The following NUDT22 variants were observed in gnomAD, a reference collection of about 807,000 sequenced individuals.
The protein encoded by NUDT22 is uridine diphosphate glucose pyrophosphatase NUDT22.
A neutral mutation model predicts 28.8 loss-of-function variants in NUDT22; 23 were observed. The ratio of observed to expected loss-of-function variants is 0.80; its 90% CI spans 0.58 to 1.13. NUDT22 has a LOEUF of 1.13. NUDT22 is among the 50% of genes most tolerant of loss of function. NUDT22 has a pLI of 0.00. For synonymous variants in NUDT22, 175 were observed against 173.7 expected (o/e 1.01, Z -0.06); for missense variants, 358 against 387.3 (o/e 0.92, Z 0.64).
chr11:64,229,245 A>T lies in NUDT22; in HGVS notation c.580-2A>T, dbSNP rs376910782. On this transcript the variant is annotated splice_acceptor_variant, in intron 3 of 5. Transcript: ENST00000279206. LOFTEE classifies it high-confidence loss of function. ...CTCCCCCCACCCCACCCTCCACCGC[A>T]GGTGAACCTGCCGCTGCTCACCCTG... The T allele has an allele frequency of 8.2e-5, 129 of 1,566,306 alleles. No individual in the cohort carries two copies. The highest frequency in any genetic ancestry group is 9.8e-5 in the Non-Finnish European group (113 of 1,154,934).
chr11:64,227,501 C>A, intron 2 of NUDT22, 67 bp from the exon 3 acceptor site: 1 of 1,233,934 alleles, frequency 8.1e-7, no homozygotes, highest in Non-Finnish European at 1.2e-6. Flanking sequence ...CAGGTATAGG[C>A]TTGCTGGTCC....
chr11:64,230,265 G>A, downstream of NUDT22: 1 of 621,110 alleles, frequency 1.6e-6, no homozygotes, highest in South Asian at 1.5e-5. Context: ...ACGGTGGCCG[G>A]GCCGAAAACG....
downstream of NUDT22, chr11:64,230,140 G>A: frequency 1.1e-6 from 1 of 919,844 alleles, no homozygotes; most frequent in African/African-American, 1.6e-5. Flanking sequence ...CCCTCTGCAA[G>A]CAGGGGATAA....
In NUDT22 at chr11:64,226,330, C is replaced by G; in HGVS notation, c.-116C>G. 3 of 1,176,238 alleles carry G rather than the reference C, an allele frequency of 2.6e-6. No homozygotes were observed. The highest frequency in any genetic ancestry group is 3.2e-6 in the Non-Finnish European group (3 of 938,792). 72.9% of individuals were successfully genotyped at this position (1,176,238 alleles called of 1,614,324 possible). The stretch of plus-strand genomic sequence containing the variant: ...CCCGCTGGAGGCTGGAGCTTCCGGG[C>G]CCTGGAAAGGGGTCCCCGCGCGCCC... On this transcript the variant is annotated 5_prime_UTR_variant, in exon 1 of 6. Coordinates refer to ENST00000279206, the MANE Select transcript of NUDT22 (RefSeq NM_032344.4).
intron 3 of NUDT22, 24 bp downstream of exon 3, chr11:64,227,690 G>T: frequency 6.3e-7 from 1 of 1,589,998 alleles, no homozygotes; most frequent in Non-Finnish European, 8.6e-7. Flanking sequence ...ACCTGGACAG[G>T]GTGGTAGACA....
chr11:64,229,179 A>G, intron 3 of NUDT22, 68 bp from the exon 4 acceptor site: 1 of 1,120,526 alleles, frequency 8.9e-7, no homozygotes, highest in Non-Finnish European at 1.3e-6. Context: ...TTTTTCATTG[A>G]GACGGGCAGG....
At chr11:64,229,186 C>T in intron 3 of NUDT22, 61 bp from the exon 4 acceptor site, 1 of 1,184,004 alleles carries the variant, frequency 8.4e-7, no homozygotes, top group Non-Finnish European at 1.2e-6. Flanking sequence ...TTGAGACGGG[C>T]AGGGATGTGG....
In NUDT22 at chr11:64,226,670, C is replaced by A. The variant is rs1209783527; in HGVS notation, c.18C>A (p.Thr6=). Residue 6 remains threonine (T), a synonymous_variant, in exon 2 of 6, where the codon ACC becomes ACA. Coordinates refer to ENST00000279206, the MANE Select transcript of NUDT22 (RefSeq NM_032344.4). The part of the protein sequence containing the change: MDPEV[T]LLLQCPGGGL... ...TTCAGACCATGGATCCTGAGGTGAC[C>A]TTGCTGCTGCAGTGCCCTGGCGGGG... The A allele has an allele frequency of 6.2e-7, 1 of 1,601,306 alleles. No homozygotes were observed. The highest frequency in any genetic ancestry group is 1.3e-5 in the African/African-American group (1 of 74,766).
chr11:64,229,284 T>C lies in NUDT22; in HGVS notation c.617T>C (p.Leu206Pro). 1.3e-6 allele frequency: 2 copies of C among 1,598,000 alleles called. No individual in the cohort carries two copies. Among genetic ancestry groups the C allele is most frequent in the Non-Finnish European group, 1.7e-6 (2 of 1,171,968 alleles). Residue 206 changes from leucine to proline, a missense_variant, in exon 4 of 6, where the codon CTG (leucine) becomes CCG (proline). Leu to Pro is a moderately conservative substitution (Grantham distance 98, BLOSUM62 -3). Transcript: ENST00000279206. ...CTGCTCACCCTGAGCCAGCCCCTGC[T>C]GTTGGGCATCGCCCGAAATGAGACC... Reference protein sequence around the residue: ...LPLLTLSQPLLLGIARNETSA... With the variant: ...LPLLTLSQPLPLGIARNETSA...
chr11:64,227,097 C>CTGG lies in NUDT22; in HGVS notation c.449_451dup (p.Val150dup), dbSNP rs1207319752. On this transcript the variant is annotated inframe_insertion, in exon 2 of 6. Transcript: ENST00000279206. The stretch of plus-strand genomic sequence containing the variant: ...CCGGCAGGTGGCTGAGGCCCCTGGG[C>CTGG]TGGTGGACGTACCTGGTGGGCACCC... 1 of 1,595,976 alleles carries CTGG rather than the reference C, an allele frequency of 6.3e-7. No individual in the cohort carries two copies. The highest frequency in any genetic ancestry group is 8.5e-7 in the Non-Finnish European group (1 of 1,175,662).
chr11:64,230,102 A>G (rs758436508), downstream of NUDT22: 62 of 1,232,992 alleles, frequency 5.0e-5, no homozygotes, highest in East Asian at 1.5e-3. Flanking sequence ...GGGAAAAAAA[A>G]AAAAAAAAAC....
chr11:64,226,761 G>A lies in NUDT22; in HGVS notation c.109G>A (p.Gly37Arg). 1.2e-6 allele frequency: 2 copies of A among 1,610,512 alleles called. No homozygotes were observed. Among genetic ancestry groups the A allele is most frequent in the Non-Finnish European group, 1.7e-6 (2 of 1,179,936 alleles). The change falls in exon 2 of 6, where the codon GGG becomes AGG. Residue 37 changes from glycine to arginine, a missense_variant. Gly to Arg is a moderately radical substitution (Grantham distance 125). Transcript: ENST00000279206. Reference sequence around the variant, plus strand: ...CCATGACCGTCGCCCACTGCCAGGTGGGGACGAGGCCATCACTGCCATCTG... The same window carrying A: ...CCATGACCGTCGCCCACTGCCAGGTAGGGACGAGGCCATCACTGCCATCTG... The part of the protein sequence containing the change: ...PAHDRRPLPG[G>R]DEAITAIWET...
At chr11:64,227,789 T>C in intron 3 of NUDT22, 123 bp downstream of exon 3, 1 of 730,522 alleles carries the variant, frequency 1.4e-6, no homozygotes, top group South Asian at 1.6e-5. Flanking sequence ...AGGGAAGAAG[T>C]TGGCTTTGCA....
intron 5 of NUDT22, 32 bp from the exon 6 acceptor site, chr11:64,229,818 T>C: frequency 1.2e-6 from 2 of 1,612,506 alleles, no homozygotes; most frequent in Non-Finnish European, 1.7e-6. Context: ...AGTGGCAAGC[T>C]TGAATGCCTG....
In NUDT22 at chr11:64,226,628, C is replaced by T. The variant is rs776552722; in HGVS notation, c.-18-7C>T. On this transcript the variant is annotated splice_region_variant and splice_polypyrimidine_tract_variant and intron_variant, in intron 1 of 5. Coordinates refer to ENST00000279206, the MANE Select transcript of NUDT22 (RefSeq NM_032344.4). ...TGGATGACAGGCCTGGCCGTATCCTCCCCCAGAGCTGCCCCGTTCAGACCA... is the reference window on the plus strand; with the variant it reads ...TGGATGACAGGCCTGGCCGTATCCTTCCCCAGAGCTGCCCCGTTCAGACCA... 1.1e-5 allele frequency: 17 copies of T among 1,546,696 alleles called. No individual in the cohort carries two copies. The African/African-American group carries it at 2.2e-4, about 20-fold the overall frequency.
chr11:64,227,830 C>G (rs2429455), intron 3 of NUDT22, 164 bp downstream of exon 3: 417,982 of 612,428 alleles, frequency 0.68, 143,456 homozygotes, highest in South Asian at 0.83. Flanking sequence ...AATTCTAGCC[C>G]TCAGTACCCT....
intron 2 of NUDT22, 149 bp from the exon 3 acceptor site, chr11:64,227,419 G>C (rs1486458291): frequency 2.7e-6 from 2 of 750,794 alleles, no homozygotes. Context: ...CTGGTTGTCT[G>C]TCAGGGAAAG....
At chr11:64,229,177 T>A (rs1309433534) in intron 3 of NUDT22, 70 bp from the exon 4 acceptor site, 1 of 1,107,968 alleles carries the variant, frequency 9.0e-7, no homozygotes, top group Non-Finnish European at 1.3e-6. Flanking sequence ...GGTTTTTCAT[T>A]GAGACGGGCA....
chr11:64,227,582 T>C lies in NUDT22; in HGVS notation c.495T>C (p.Gly165=). ...GHPEPQALCP[G]GSPQHQDLAG... ...ACCTCTCACAGGCCCTGTGCCCTGG[T>C]GGCAGCCCCCAGCACCAGGACCTCG... The change falls in exon 3 of 6, where the codon GGT becomes GGC. Residue 165 remains glycine (G), a synonymous_variant. Transcript: ENST00000279206. 1 of 1,613,758 alleles carries C rather than the reference T, an allele frequency of 6.2e-7. No individual in the cohort carries two copies. The highest frequency in any genetic ancestry group is 8.5e-7 in the Non-Finnish European group (1 of 1,179,912).
Sources: gnomAD v4.1 joint callset for allele counts on GRCh38, gnomAD v4.1.1 for gene constraint, MANE v1.5 for transcripts, NCBI Gene and HGNC (gene_info 2026-07-23, HGNC 2026-07-21) for gene names.